The following NCALD variants were observed in gnomAD, a reference collection of about 807,000 sequenced individuals.
NCALD encodes neurocalcin delta, also known as neurocalcin-delta.
NCALD carries 10 observed loss-of-function variants against 18.6 expected under a neutral mutation model. The observed-to-expected ratio is 0.54, with a 90% CI of 0.33 to 0.91. NCALD has a LOEUF of 0.91. NCALD is among the 40% of genes least tolerant of loss of function. The pLI is 0.03. For missense variants in NCALD, 184 were observed against 247.6 expected (o/e 0.74, Z 1.72); for synonymous variants, 88 against 87.4 (o/e 1.01, Z -0.04).
intron 2 of NCALD, among the ~76,000 whole-genome samples, chr8:101,946,439 A>G (rs1353626567): frequency 6.6e-6 from 1 of 152,216 alleles, no homozygotes; most frequent in African/African-American, 2.4e-5. Flanking sequence ...CAAAAAGTTT[A>G]TGGAAAATGC....
chr8:102,025,376 A>T (rs1050948225), intron 1 of NCALD, among the ~76,000 whole-genome samples: 11 of 152,172 alleles, frequency 7.2e-5, no homozygotes, highest in Non-Finnish European at 1.5e-4. Flanking sequence ...TATATATTTA[A>T]TATTGAGGTT....
intron 1 of NCALD, among the ~76,000 whole-genome samples, chr8:102,050,254 C>T (rs535308764): frequency 5.2e-4 from 77 of 148,686 alleles, no homozygotes; most frequent in Admixed American, 1.5e-3. Context: ...GGATATGAGT[C>T]CTTGATCAAA....
At chr8:101,835,321 T>C (rs1228819719) in intron 4 of NCALD, among the ~76,000 whole-genome samples, 2 of 152,332 alleles carry the variant, frequency 1.3e-5, no homozygotes, top group East Asian at 1.9e-4. Context: ...AGGGGTCATT[T>C]TGCCCCTCCC....
intron 2 of NCALD, among the ~76,000 whole-genome samples, chr8:102,014,428 G>A (rs866578056): frequency 6.6e-6 from 1 of 151,914 alleles, no homozygotes; most frequent in African/African-American, 2.4e-5. Flanking sequence ...TCTCTTTGGG[G>A]GTTGGGTTTC....
intron 3 of NCALD, among the ~76,000 whole-genome samples, chr8:101,906,184 C>G (rs1001245035): frequency 6.6e-6 from 1 of 152,210 alleles, no homozygotes; most frequent in Admixed American, 6.5e-5. Flanking sequence ...TGCTGCTTCT[C>G]TCGATTTACT....
chr8:101,735,305 A>G (rs555624615), intron 1 of NCALD, among the ~76,000 whole-genome samples: 5 of 152,342 alleles, frequency 3.3e-5, no homozygotes, highest in African/African-American at 9.6e-5. Flanking sequence ...TGCCAGCTGT[A>G]TAAGAATCTG....
At chr8:101,933,550 G>C (rs1382452913) in intron 2 of NCALD, among the ~76,000 whole-genome samples, 2 of 152,348 alleles carry the variant, frequency 1.3e-5, no homozygotes, top group East Asian at 3.9e-4. Context: ...AAGCCTCTAA[G>C]TTTGTGGTGA....
At chr8:102,045,019 G>A (rs548648889) in intron 1 of NCALD, among the ~76,000 whole-genome samples, 3 of 152,290 alleles carry the variant, frequency 2.0e-5, no homozygotes, top group African/African-American at 7.2e-5. Context: ...AGGAAATCAA[G>A]AAGAAAGCCA....
intron 1 of NCALD, chr8:102,028,941 C>T (rs555766193): frequency 6.6e-6 from 1 of 152,138 alleles, no homozygotes; most frequent in East Asian, 1.9e-4. Flanking sequence ...GTGACAAACA[C>T]ATAAATAATA....
At chr8:101,762,323 T>C (rs1009234370) in intron 1 of NCALD, among the ~76,000 whole-genome samples, 1 of 152,114 alleles carries the variant, frequency 6.6e-6, no homozygotes, top group Non-Finnish European at 1.5e-5. Flanking sequence ...TACTATTATA[T>C]GTACTATAAA....
At chr8:101,886,842 T>C (rs555165222) in intron 4 of NCALD, among the ~76,000 whole-genome samples, 54 of 152,332 alleles carry the variant, frequency 3.5e-4, no homozygotes, top group African/African-American at 1.2e-3. Context: ...TCCATTATCA[T>C]ATGTCCTGTT....
At chr8:102,015,558 T>C (rs1436958183) in intron 2 of NCALD, among the ~76,000 whole-genome samples, 1 of 152,116 alleles carries the variant, frequency 6.6e-6, no homozygotes, top group Non-Finnish European at 1.5e-5. Flanking sequence ...CAGTTCTACA[T>C]CCATGTAAGA....
rs535512715 is a variant in NCALD at position 102,051,690 on chromosome 8, G to A, written c.-209-31401C>T. Among the ~76,000 whole-genome samples the A allele has an allele frequency of 6.6e-5, 10 of 152,220 alleles. No homozygotes were observed. The South Asian group carries it at 8.3e-4, about 13-fold the overall frequency. On this transcript the variant is annotated intron_variant, in intron 1 of 6. Transcript: ENST00000311028. ...CCAATGTTCCTGAGCTGACATTTGCGTTATTCAGCAGCACGGTACTCCGAA... is the reference window on the plus strand; with the variant it reads ...CCAATGTTCCTGAGCTGACATTTGCATTATTCAGCAGCACGGTACTCCGAA...
At chr8:102,037,608 G>C (rs1822915388) in intron 1 of NCALD, among the ~76,000 whole-genome samples, 1 of 151,572 alleles carries the variant, frequency 6.6e-6, no homozygotes, top group Non-Finnish European at 1.5e-5. Context: ...TGAGATTAAG[G>C]GCATTTTTTA....
chr8:102,077,812 G>A (rs1167507287), intron 1 of NCALD, among the ~76,000 whole-genome samples: 4 of 152,154 alleles, frequency 2.6e-5, no homozygotes, highest in Non-Finnish European at 5.9e-5. Flanking sequence ...CTGCTCCTCG[G>A]TTCTCTTTGG....
intron 2 of NCALD, among the ~76,000 whole-genome samples, chr8:101,955,720 G>C (rs78299194): frequency 0.019 from 2,943 of 152,178 alleles, 92 homozygotes; most frequent in African/African-American, 0.067. Flanking sequence ...TAAACACAGA[G>C]GTAGCAAAAT....
At chr8:101,794,981 G>C (rs1209942915), upstream of NCALD, among the ~76,000 whole-genome samples, 1 of 152,076 alleles carries the variant, frequency 6.6e-6, no homozygotes, top group African/African-American at 2.4e-5. Context: ...TCTATCTTTG[G>C]CCTACAAAGT....
chr8:102,123,899 G>C (rs1217994569), intron 1 of NCALD: 1 of 152,844 alleles, frequency 6.5e-6, no homozygotes, highest in African/African-American at 2.4e-5. Flanking sequence ...CTTCTGCCCA[G>C]CGCGCCCCAT....
At chr8:102,066,918 T>G (rs1001416509) in intron 1 of NCALD, among the ~76,000 whole-genome samples, 1 of 152,240 alleles carries the variant, frequency 6.6e-6, no homozygotes, top group Non-Finnish European at 1.5e-5. Context: ...TCCAGCTTCC[T>G]CTAAGCTCTA....
Sources: gnomAD v4.1 joint callset for allele counts (sites outside exome capture counted in the v4.1 genomes callset) on GRCh38, gnomAD v4.1.1 for gene constraint, MANE v1.5 for transcripts, NCBI Gene and HGNC (gene_info 2026-07-23, HGNC 2026-07-21) for gene names.